Variants in PRKCQ observed in about 807,000 individuals in gnomAD.
The protein encoded by PRKCQ is protein kinase C theta type.
Under a neutral mutation model 91.2 loss-of-function variants are expected in PRKCQ, and 41 were observed. The observed-to-expected ratio is 0.45, with a 90% confidence interval of 0.35 to 0.58. PRKCQ has a LOEUF of 0.58. PRKCQ is among the 20% of genes least tolerant of loss of function. PRKCQ has a pLI of 0.00. For synonymous variants in PRKCQ, 307 were observed against 316.9 expected, an observed-to-expected ratio of 0.97 and a Z score of 0.33; for missense variants, 673 against 896.5, an observed-to-expected ratio of 0.75 and a Z score of 3.18.
upstream of PRKCQ, chr10:6,580,324 G>GGCGGGGCTT (rs1841432565): frequency 6.7e-6 from 1 of 148,630 alleles, no homozygotes; most frequent in African/African-American, 2.4e-5. Context: ...TGGCGGGGCT[G>GGCGGGGCTT]GCGGGCCCGG....
At chr10:6,404,252 G>GT in the PRKCQ span, among the ~76,000 whole-genome samples, 10 of 102,766 alleles carry the variant, frequency 9.7e-5, no homozygotes, top group African/African-American at 3.7e-4. Flanking sequence ...AGAGAAGGGG[G>GT]GGGGAGAGAG....
intron 1 of PRKCQ, among the ~76,000 whole-genome samples, chr10:6,548,763 T>C (rs1840070499): frequency 6.8e-6 from 1 of 147,298 alleles, no homozygotes; most frequent in Non-Finnish European, 1.5e-5. Flanking sequence ...GGGATAGCTT[T>C]AGGAGATATA....
intron 1 of PRKCQ, among the ~76,000 whole-genome samples, chr10:6,571,664 G>A (rs749656113): frequency 2.4e-4 from 37 of 152,106 alleles, no homozygotes; most frequent in Non-Finnish European, 3.2e-4. Context: ...AAATTAACCA[G>A]GTGTGGTGGT....
At chr10:6,501,488 G>A (rs1389937934) in intron 4 of PRKCQ, among the ~76,000 whole-genome samples, 4 of 151,914 alleles carry the variant, frequency 2.6e-5, no homozygotes, top group Non-Finnish European at 5.9e-5. Flanking sequence ...GGAGAAGGCG[G>A]GAGGAAGCAA....
chr10:6,421,061 C>T, the PRKCQ span, among the ~76,000 whole-genome samples: 1 of 152,076 alleles, frequency 6.6e-6, no homozygotes, highest in Non-Finnish European at 1.5e-5. The surrounding 1 kb of genome is among the most constrained non-coding windows in gnomAD (Gnocchi z 4.1). Context: ...TGTTTATTCT[C>T]CCAACATTTT....
intron 16 of PRKCQ, among the ~76,000 whole-genome samples, chr10:6,441,423 T>C (rs1270286089): frequency 6.6e-6 from 1 of 151,836 alleles, no homozygotes; most frequent in Admixed American, 6.6e-5. Context: ...ATTACAGGTG[T>C]GAGCTACTGC....
intron 1 of PRKCQ, among the ~76,000 whole-genome samples, chr10:6,516,002 T>C (rs1170983026): frequency 6.6e-6 from 1 of 152,232 alleles, no homozygotes; most frequent in Non-Finnish European, 1.5e-5. Flanking sequence ...GAAACTATCA[T>C]CTGATATTCA....
chr10:6,494,891 C>T (rs1386055181), intron 7 of PRKCQ, among the ~76,000 whole-genome samples: 2 of 152,186 alleles, frequency 1.3e-5, no homozygotes, highest in Admixed American at 6.5e-5. Context: ...GGATGTCCAC[C>T]TCTCCGACTC....
At chr10:6,467,397 G>GACAGACAGAC (rs1564324395) in intron 12 of PRKCQ, among the ~76,000 whole-genome samples, 2 of 76,202 alleles carry the variant, frequency 2.6e-5, no homozygotes, top group Non-Finnish European at 6.3e-5. Flanking sequence ...GACAGAGAGA[G>GACAGACAGAC]AGAGAGAGAG....
At chr10:6,466,918 C>T (rs1423859838) in intron 12 of PRKCQ, among the ~76,000 whole-genome samples, 2 of 152,140 alleles carry the variant, frequency 1.3e-5, no homozygotes, top group Admixed American at 1.3e-4. Context: ...GGGTTCAAAG[C>T]CCCTCTATTT....
At chr10:6,419,685 C>CTTTTTT in the PRKCQ span, among the ~76,000 whole-genome samples, 1 of 108,006 alleles carries the variant, frequency 9.3e-6, no homozygotes, top group Non-Finnish European at 1.9e-5. Context: ...CTGAAATCTC[C>CTTTTTT]TTTTTTTTTT....
At chr10:6,446,585 C>T (rs1416399318) in intron 15 of PRKCQ, among the ~76,000 whole-genome samples, 2 of 151,924 alleles carry the variant, frequency 1.3e-5, no homozygotes, top group African/African-American at 2.4e-5. Flanking sequence ...AGGCTGGTCT[C>T]GAACTCCTGA....
chr10:6,511,673 G>A (rs928089050), intron 2 of PRKCQ, among the ~76,000 whole-genome samples: 3 of 152,190 alleles, frequency 2.0e-5, no homozygotes, highest in Non-Finnish European at 2.9e-5. Context: ...ACAGGAACTT[G>A]GGAGGGGTAA....
chr10:6,431,357 G>A (rs748885852), intron 16 of PRKCQ, among the ~76,000 whole-genome samples: 35 of 152,046 alleles, frequency 2.3e-4, no homozygotes, highest in African/African-American at 3.1e-4. Context: ...CACATGTGAC[G>A]GCATACACAC....
chr10:6,474,549 G>T (rs1350127780), intron 12 of PRKCQ, among the ~76,000 whole-genome samples: 2 of 152,124 alleles, frequency 1.3e-5, no homozygotes, highest in African/African-American at 4.8e-5. Context: ...ACAAATTTTA[G>T]AAATAAATCC....
chr10:6,480,634 G>A (rs1007732130), intron 11 of PRKCQ, among the ~76,000 whole-genome samples: 1 of 152,222 alleles, frequency 6.6e-6, no homozygotes, highest in Non-Finnish European at 1.5e-5. Context: ...CTAACTTACA[G>A]GACTGTTGTG....
intron 15 of PRKCQ, among the ~76,000 whole-genome samples, chr10:6,452,682 G>T (rs578021881): frequency 6.3e-4 from 94 of 149,826 alleles, no homozygotes; most frequent in African/African-American, 2.2e-3. Flanking sequence ...ATACTACAAG[G>T]CTACAGTAAC....
At chr10:6,445,502 C>T (rs1165380444) in intron 15 of PRKCQ, among the ~76,000 whole-genome samples, 1 of 152,194 alleles carries the variant, frequency 6.6e-6, no homozygotes, top group African/African-American at 2.4e-5. Context: ...TGGCCCGCTT[C>T]TTATAAGCTT....
intron 8 of PRKCQ, among the ~76,000 whole-genome samples, chr10:6,490,571 A>C (rs1837234944): frequency 6.9e-6 from 1 of 144,886 alleles, no homozygotes; most frequent in African/African-American, 2.6e-5. Context: ...AAAAAAAAAA[A>C]AAAACAAAGA....
Sources: gnomAD v4.1 joint callset for allele counts (sites outside exome capture counted in the v4.1 genomes callset) on GRCh38, gnomAD v4.1.1 for gene constraint, Gnocchi (gnomAD v3.1) non-coding constraint, MANE v1.5 for transcripts, NCBI Gene and HGNC (gene_info 2026-07-23, HGNC 2026-07-21) for gene names.